The following BIRC2 variants were observed in gnomAD, a reference collection of about 807,000 sequenced individuals.
BIRC2 encodes baculoviral IAP repeat-containing protein 2.
A neutral mutation model predicts 60.9 loss-of-function variants in BIRC2; 18 were observed. The ratio of observed to expected loss-of-function variants is 0.30; its 90% CI spans 0.20 to 0.44. BIRC2 has a LOEUF of 0.44. Ranked by LOEUF, BIRC2 falls within the 20% of genes least tolerant of loss-of-function variation. BIRC2 has a pLI of 1.00. For missense variants in BIRC2, 701 were observed against 728.5 expected (o/e 0.96, Z 0.43); for synonymous variants, 282 against 247.7 (o/e 1.14, Z -1.30).
At chr11:102,361,235 T>C (rs538800013) in intron 3 of BIRC2, among the ~76,000 whole-genome samples, 1 of 152,284 alleles carries the variant, frequency 6.6e-6, no homozygotes, top group Non-Finnish European at 1.5e-5. Flanking sequence ...TTGACTAGCC[T>C]GCAGCAGTGG....
chr11:102,360,534 A>AT lies in BIRC2; in HGVS notation c.996-2355dup, dbSNP rs1384672281. Among the ~76,000 whole-genome samples the AT allele has an allele frequency of 3.4e-5, 5 of 144,998 alleles. No individual in the cohort carries two copies. In the East Asian group the frequency reaches 5.9e-4, roughly 17 times the overall value. ...TTGAATTTCTCATTTGTTTGTATAT[A>AT]TTTTTTTATTTCATTATCTGTGTTC... On this transcript the variant is annotated intron_variant, in intron 3 of 8. Coordinates refer to ENST00000227758, the MANE Select transcript of BIRC2 (RefSeq NM_001166.5).
intron 4 of BIRC2, 122 bp downstream of exon 4, chr11:102,363,096 A>G (rs772135274): frequency 1.8e-5 from 12 of 650,102 alleles, no homozygotes; most frequent in Non-Finnish European, 3.2e-5. Context: ...AACCGTGATC[A>G]CTTTTGTACC....
chr11:102,364,195 AG>A (rs1951526288), intron 5 of BIRC2, among the ~76,000 whole-genome samples: 1 of 140,864 alleles, frequency 7.1e-6, no homozygotes, highest in Non-Finnish European at 1.5e-5. Flanking sequence ...ACAGAGAGAG[AG>A]AGAGAGAGAG....
At chr11:102,377,346 A>G (rs186771154) in intron 6 of BIRC2, 150 bp from the exon 7 acceptor site, 601 of 680,018 alleles carry the variant, frequency 8.8e-4, no homozygotes, top group Non-Finnish European at 1.2e-3. Context: ...TTTCCAAACA[A>G]CAAACTTACA....
intron 6 of BIRC2, among the ~76,000 whole-genome samples, chr11:102,373,557 C>A (rs1951661541): frequency 6.6e-6 from 1 of 151,818 alleles, no homozygotes; most frequent in Non-Finnish European, 1.5e-5. Context: ...TGATGGGCTT[C>A]CCTTTGAGGG....
intron 3 of BIRC2, among the ~76,000 whole-genome samples, chr11:102,360,762 T>A (rs767384456): frequency 8.0e-5 from 12 of 150,218 alleles, no homozygotes; most frequent in African/African-American, 1.5e-4. Flanking sequence ...TTCTAGACAT[T>A]ACAGATTAGT....
chr11:102,374,981 C>T (rs1047133532), intron 6 of BIRC2, among the ~76,000 whole-genome samples: 13 of 152,346 alleles, frequency 8.5e-5, no homozygotes, highest in African/African-American at 3.1e-4. Context: ...ACTCCTTGAC[C>T]CCTTGGGCTT....
intron 5 of BIRC2, among the ~76,000 whole-genome samples, chr11:102,364,174 T>TATATGTAC (rs1389968594): frequency 1.3e-5 from 1 of 78,114 alleles, no homozygotes; most frequent in East Asian, 4.6e-4. Context: ...TATATATATA[T>TATATGTAC]ACACACACAC....
At position 102,349,843 on chromosome 11, in the gene BIRC2, T is replaced by C; in HGVS notation, c.-12T>C. 6.3e-7 allele frequency: 1 copy of C among 1,583,424 alleles called. No individual in the cohort carries two copies. Among genetic ancestry groups the C allele is most frequent in the Non-Finnish European group, 8.6e-7 (1 of 1,164,892 alleles). ...GAATGTTTTAGCTATCAAACAGTAC[T>C]GTCACCTACTCATGCACAAAACTGC... is the stretch of plus-strand genomic sequence containing the variant. On this transcript the variant is annotated 5_prime_UTR_variant, in exon 2 of 9. Coordinates refer to ENST00000227758, the MANE Select transcript of BIRC2 (RefSeq NM_001166.5).
rs568864075 is a variant in BIRC2 at position 102,349,192 on chromosome 11, G to A, written c.-663G>A. 2.0e-5 allele frequency: 3 copies of A among 152,154 alleles called. No individual in the cohort carries two copies. In the East Asian group the frequency reaches 5.8e-4, roughly 29 times the overall value. The allele number at this position is 152,154 out of a possible 1,614,324, so 9.4% of individuals were successfully genotyped here. On this transcript the variant is annotated 5_prime_UTR_variant, in exon 2 of 9. Coordinates refer to ENST00000227758, the MANE Select transcript of BIRC2 (RefSeq NM_001166.5). ...CTATAGCAGGCACAGGTTCAACAAA[G>A]CTTGTGGGTATTGACTTCCCCCAAA...
intron 6 of BIRC2, among the ~76,000 whole-genome samples, chr11:102,371,646 T>G (rs1423711652): frequency 1.3e-5 from 2 of 148,642 alleles, no homozygotes; most frequent in East Asian, 2.0e-4. Flanking sequence ...GTTGTGTCTC[T>G]GCCCGGCTTT....
chr11:102,368,390 G>T lies in BIRC2; in HGVS notation c.1208G>T (p.Gly403Val). Residue 403 changes from glycine (G) to valine (V), a missense_variant, in exon 6 of 9, where the codon GGC becomes GTC. This residue lies in a region of BIRC2 where 235 missense variants were observed against 208.9 expected (regional missense o/e 1.12). Transcript: ENST00000227758. ...GTGGTTAAATCTGCCTTGGAAATGG[G>T]CTTTAATAGAGACCTGGTGAAACAA... ...TPVVKSALEM[G>V]FNRDLVKQTV... The T allele has an allele frequency of 6.2e-7, 1 of 1,614,000 alleles. No individual in the cohort carries two copies. Among genetic ancestry groups the T allele is most frequent in the African/African-American group, 1.3e-5 (1 of 75,008 alleles).
chr11:102,368,173 G>A (rs752945282), intron 5 of BIRC2, 133 bp from the exon 6 acceptor site: 110 of 991,140 alleles, frequency 1.1e-4, no homozygotes, highest in East Asian at 1.7e-4. Flanking sequence ...GGAGTTATAG[G>A]TAATCGATGC....
Position 102,376,295 on chromosome 11 carries a change from A to G in BIRC2, c.1367-1201A>G, listed in dbSNP as rs146276694. Among the ~76,000 whole-genome samples the G allele has an allele frequency of 5.3e-5, 8 of 152,344 alleles. No individual in the cohort carries two copies. The East Asian group carries it at 1.5e-3, about 29-fold the overall frequency. ...AGGAGGTTTGAAGCAAAGCCAGGAGATAGCTCTTGTGCAAGTAGAATTGGG... is the reference window on the plus strand; with the variant it reads ...AGGAGGTTTGAAGCAAAGCCAGGAGGTAGCTCTTGTGCAAGTAGAATTGGG... On this transcript the variant is annotated intron_variant, in intron 6 of 8. Coordinates refer to ENST00000227758, the MANE Select transcript of BIRC2 (RefSeq NM_001166.5).
rs778516713 is a variant in BIRC2, at chr11:102,363,761, G to A, written c.1123+45G>A. 3 of 1,499,486 alleles carry A rather than the reference G, an allele frequency of 2.0e-6. No homozygotes were observed. In the African/African-American group the frequency reaches 4.2e-5, roughly 21 times the overall value. 92.9% of individuals were successfully genotyped at this position (1,499,486 alleles called of 1,614,324 possible). On this transcript the variant is annotated intron_variant, in intron 5 of 8. Coordinates refer to ENST00000227758, the MANE Select transcript of BIRC2 (RefSeq NM_001166.5). ...AAGTATAGAGTGTAAATTTTTATAA[G>A]AATTTTAGGAATAGGCTGGGTGCAG...
intron 6 of BIRC2, among the ~76,000 whole-genome samples, chr11:102,372,086 C>T (rs977881927): frequency 2.2e-4 from 33 of 151,980 alleles, no homozygotes; most frequent in African/African-American, 6.5e-4. Flanking sequence ...TGCTAGCGGT[C>T]TATCTATTTT....
chr11:102,359,940 T>C (rs1460749144), intron 3 of BIRC2, among the ~76,000 whole-genome samples: 1 of 151,956 alleles, frequency 6.6e-6, no homozygotes, highest in Non-Finnish European at 1.5e-5. Flanking sequence ...CTCTTTTCCT[T>C]CTTGAATTCT....
intron 3 of BIRC2, among the ~76,000 whole-genome samples, chr11:102,358,609 T>A (rs1380309530): frequency 6.6e-6 from 1 of 152,228 alleles, no homozygotes; most frequent in Non-Finnish European, 1.5e-5. Context: ...ATTAATGTCT[T>A]CAGATCTGTT....
At chr11:102,375,303 A>T (rs1371714604) in intron 6 of BIRC2, among the ~76,000 whole-genome samples, 1 of 152,184 alleles carries the variant, frequency 6.6e-6, no homozygotes, top group Non-Finnish European at 1.5e-5. Flanking sequence ...AGTGTGCAAA[A>T]GACAGGGTTA....
Sources: gnomAD v4.1 joint callset for allele counts (sites outside exome capture counted in the v4.1 genomes callset) on GRCh38, gnomAD v4.1.1 for gene constraint, gnomAD v4.1.1 regional missense constraint, MANE v1.5 for transcripts, NCBI Gene and HGNC (gene_info 2026-07-23, HGNC 2026-07-21) for gene names.